The following SLC4A7 variants were observed in gnomAD, a reference collection of about 807,000 sequenced individuals.
SLC4A7 encodes the protein sodium bicarbonate cotransporter 3.
In SLC4A7, 51 loss-of-function variants were observed where a neutral mutation model predicts 137.6. The ratio of observed to expected loss-of-function variants is 0.37; its 90% CI spans 0.30 to 0.47. SLC4A7 has a LOEUF of 0.47. SLC4A7 is among the 20% of genes least tolerant of loss of function. The pLI is 1.00. For synonymous variants in SLC4A7, 542 were observed against 518.6 expected (o/e 1.05, Z -0.61); for missense variants, 1,247 against 1,525.4 (o/e 0.82, Z 3.04).
chr3:27,415,995 C>T (rs992899850), intron 11 of SLC4A7, among the ~76,000 whole-genome samples: 4 of 152,218 alleles, frequency 2.6e-5, no homozygotes, highest in African/African-American at 7.2e-5. Flanking sequence ...ATGGTACATA[C>T]CAAGAATTCA....
rs373616244 is a variant in SLC4A7, at chr3:27,403,160, A to G, written c.2300T>C (p.Leu767Ser). Residue 767 changes from leucine to serine, a missense_variant, in exon 15 of 26, where the codon TTA becomes TCA. Physicochemically the swap from Leu to Ser is moderately radical, Grantham distance 145 (BLOSUM62 -2). Coordinates refer to ENST00000454389, the MANE Select transcript of SLC4A7 (RefSeq NM_001321103.2). The stretch of plus-strand genomic sequence containing the variant: ...TTACGAGTAGCTGGTCAGTTTATCT[A>G]AGTTGTTGTGCATATTAAATGCATA... ...ETYAFNMHNN[L>S]DKLTSYSCVC... 1.2e-6 allele frequency: 2 copies of G among 1,610,852 alleles called. No homozygotes were observed. Among genetic ancestry groups the G allele is most frequent in the African/African-American group, 2.7e-5 (2 of 74,752 alleles).
chr3:27,394,949 A>G lies in SLC4A7; in HGVS notation c.2865+5T>C. The G allele has an allele frequency of 6.3e-7, 1 of 1,588,086 alleles. No homozygotes were observed. The highest frequency in any genetic ancestry group is 8.5e-7 in the Non-Finnish European group (1 of 1,171,076). On this transcript the variant is annotated splice_donor_5th_base_variant and intron_variant, in intron 19 of 25. Coordinates refer to ENST00000454389, the MANE Select transcript of SLC4A7 (RefSeq NM_001321103.2). ...ACAATGCTTAAGGCAAAATTCTAAA[A>G]TTACCTTCAATTTGTGTTCCTTTCT...
At chr3:27,402,377 G>C (rs2052849637) in intron 15 of SLC4A7, among the ~76,000 whole-genome samples, 1 of 151,792 alleles carries the variant, frequency 6.6e-6, no homozygotes, top group African/African-American at 2.4e-5. Context: ...AACACATATT[G>C]AATGTACTGA....
rs952277842 is a variant in SLC4A7, at chr3:27,412,374, C to T, written c.1660-626G>A. On this transcript the variant is annotated intron_variant, in intron 11 of 25. Transcript: ENST00000454389. Reference sequence around the variant, plus strand: ...GGCTAAAAATATGTGTGAGCATGTGCACATACAAGAGGAAAGATGGTAGGA... The same window carrying T: ...GGCTAAAAATATGTGTGAGCATGTGTACATACAAGAGGAAAGATGGTAGGA... Among the ~76,000 whole-genome samples, 12 of 152,114 alleles carry T rather than the reference C, an allele frequency of 7.9e-5. No individual in the cohort carries two copies. The South Asian group carries it at 1.0e-3, about 13-fold the overall frequency.
At chr3:27,463,482 G>A (rs1166435366) in intron 1 of SLC4A7, among the ~76,000 whole-genome samples, 1 of 152,098 alleles carries the variant, frequency 6.6e-6, no homozygotes, top group Non-Finnish European at 1.5e-5. Context: ...GGCGGTTGCA[G>A]TCAGCCGAGA....
At chr3:27,456,028 T>C (rs913209331) in intron 1 of SLC4A7, among the ~76,000 whole-genome samples, 2 of 151,830 alleles carry the variant, frequency 1.3e-5, no homozygotes, top group Non-Finnish European at 3.0e-5. Flanking sequence ...CTCATAGTTA[T>C]TTATCTTGCC....
At chr3:27,388,100 A>C (rs1297463372) in intron 22 of SLC4A7, among the ~76,000 whole-genome samples, 1 of 152,192 alleles carries the variant, frequency 6.6e-6, no homozygotes, top group Non-Finnish European at 1.5e-5. Context: ...AATTCTATTA[A>C]GGGCTCAGTC....
At chr3:27,479,925 G>T (rs2059639987) in intron 1 of SLC4A7, among the ~76,000 whole-genome samples, 1 of 152,146 alleles carries the variant, frequency 6.6e-6, no homozygotes. Flanking sequence ...TCCACTTTAA[G>T]ATCATATTTG....
chr3:27,420,841 C>T (rs753722601), intron 9 of SLC4A7, 54 bp from the exon 10 acceptor site: 21 of 1,179,088 alleles, frequency 1.8e-5, no homozygotes, highest in Non-Finnish European at 1.1e-5. Context: ...ACCCACAAAG[C>T]TAGGCAATCA....
intron 1 of SLC4A7, among the ~76,000 whole-genome samples, chr3:27,471,429 T>C (rs2150705308): frequency 6.6e-6 from 1 of 152,210 alleles, no homozygotes; most frequent in African/African-American, 2.4e-5. Context: ...TGAGACGGAG[T>C]TTCACATTCT....
At chr3:27,442,392 T>G (rs1212699040) in intron 3 of SLC4A7, among the ~76,000 whole-genome samples, 1 of 151,972 alleles carries the variant, frequency 6.6e-6, no homozygotes, top group African/African-American at 2.4e-5. Flanking sequence ...CCCATGAAAA[T>G]GTGACGTCAT....
intron 2 of SLC4A7, among the ~76,000 whole-genome samples, chr3:27,451,214 CTTTG>C (rs758459041): frequency 2.1e-4 from 32 of 151,808 alleles, no homozygotes; most frequent in Non-Finnish European, 3.7e-4. Flanking sequence ...ATAAATCAAA[CTTTG>C]TTTCTCTGTC....
At chr3:27,405,005 A>G in intron 13 of SLC4A7, 42 bp from the exon 14 acceptor site, 1 of 1,451,496 alleles carries the variant, frequency 6.9e-7, no homozygotes, top group South Asian at 1.4e-5. Context: ...AATACATCAT[A>G]AACATTTCTC....
chr3:27,378,376 C>G (rs926480519), intron 25 of SLC4A7, among the ~76,000 whole-genome samples: 1 of 152,072 alleles, frequency 6.6e-6, no homozygotes, highest in Non-Finnish European at 1.5e-5. Flanking sequence ...TATACAGACA[C>G]CCAACATAGC....
At chr3:27,452,700 G>A (rs1553712544) in intron 1 of SLC4A7, among the ~76,000 whole-genome samples, 1 of 152,172 alleles carries the variant, frequency 6.6e-6, no homozygotes, top group East Asian at 1.9e-4. Flanking sequence ...ATCCCAGAGT[G>A]AGAAGTGAAA....
At chr3:27,383,457 ATTTC>A (rs200569029) in intron 23 of SLC4A7, among the ~76,000 whole-genome samples, 1,627 of 152,308 alleles carry the variant, frequency 0.011, 10 homozygotes, top group South Asian at 0.02. Context: ...TTTAACTTTC[ATTTC>A]TTTATGTAAA....
intron 1 of SLC4A7, among the ~76,000 whole-genome samples, chr3:27,456,448 A>G (rs2150586710): frequency 6.6e-6 from 1 of 152,354 alleles, no homozygotes; most frequent in East Asian, 1.9e-4. Flanking sequence ...AGTTAGTTTT[A>G]TAGAAGAATA....
chr3:27,452,345 A>T, intron 2 of SLC4A7, 72 bp downstream of exon 2: 1 of 1,015,884 alleles, frequency 9.8e-7, no homozygotes, highest in Non-Finnish European at 1.4e-6. Flanking sequence ...GGTAAAACTT[A>T]AAAGGATACT....
chr3:27,408,026 T>G (rs1487449977), intron 13 of SLC4A7, among the ~76,000 whole-genome samples: 1 of 152,244 alleles, frequency 6.6e-6, no homozygotes. Flanking sequence ...ATATTTCTGC[T>G]TCCTCTATTT....
Sources: gnomAD v4.1 joint callset for allele counts (sites outside exome capture counted in the v4.1 genomes callset) on GRCh38, gnomAD v4.1.1 for gene constraint, MANE v1.5 for transcripts, NCBI Gene and HGNC (gene_info 2026-07-23, HGNC 2026-07-21) for gene names.